ITGB5: variants seen among roughly 807,000 people sequenced by gnomAD.
The protein encoded by ITGB5 is integrin beta-5.
In ITGB5, 38 loss-of-function variants were observed where a neutral mutation model predicts 84.8. The ratio of observed to expected loss-of-function variants is 0.45; its 90% CI spans 0.35 to 0.59. ITGB5 has a LOEUF of 0.59. Ranked by LOEUF, ITGB5 falls within the 20% of genes least tolerant of loss-of-function variation. The probability of loss-of-function intolerance (pLI) is 0.01; values close to 1 mark genes in which losing one functional copy is unlikely to be tolerated. For synonymous variants in ITGB5, 393 were observed against 414.4 expected (o/e 0.95, Z 0.63); for missense variants, 905 against 1,034.5 (o/e 0.87, Z 1.72).
intron 6 of ITGB5, among the ~76,000 whole-genome samples, chr3:124,820,456 C>T (rs3772839): frequency 0.053 from 8,101 of 152,206 alleles, 502 homozygotes; most frequent in African/African-American, 0.15. Context: ...ATTTTGAGGA[C>T]TAATGATGGG....
chr3:124,812,279 T>A (rs1055238600), intron 8 of ITGB5, among the ~76,000 whole-genome samples: 12 of 152,196 alleles, frequency 7.9e-5, no homozygotes, highest in Admixed American at 5.2e-4. Context: ...CAAGGTGCAC[T>A]CCTTAGTTCT....
intron 3 of ITGB5, among the ~76,000 whole-genome samples, chr3:124,853,339 A>G: frequency 6.6e-6 from 1 of 152,208 alleles, no homozygotes; most frequent in East Asian, 1.9e-4. Context: ...CCAGGATTAA[A>G]TCCAGATCTA....
At chr3:124,845,640 T>C (rs762525892) in intron 4 of ITGB5, among the ~76,000 whole-genome samples, 1 of 152,174 alleles carries the variant, frequency 6.6e-6, no homozygotes, top group Non-Finnish European at 1.5e-5. Flanking sequence ...TAAGTAATGA[T>C]GTGTCATAAC....
At chr3:124,880,874 A>G (rs2107649640) in intron 1 of ITGB5, among the ~76,000 whole-genome samples, 1 of 152,162 alleles carries the variant, frequency 6.6e-6, no homozygotes, top group South Asian at 2.1e-4. Context: ...GGTTGCAGTG[A>G]GTCAAGATCA....
intron 1 of ITGB5, among the ~76,000 whole-genome samples, chr3:124,881,262 G>A (rs954046023): frequency 6.6e-6 from 1 of 152,138 alleles, no homozygotes; most frequent in African/African-American, 2.4e-5. Flanking sequence ...GGGATGATAG[G>A]TGTGAGCCAC....
chr3:124,870,513 G>A (rs1268096791), intron 2 of ITGB5, among the ~76,000 whole-genome samples: 1 of 152,148 alleles, frequency 6.6e-6, no homozygotes. Flanking sequence ...TGGATCACGA[G>A]GTCAGGAGTT....
chr3:124,847,581 AT>A (rs1010430759), intron 4 of ITGB5, among the ~76,000 whole-genome samples: 3 of 152,224 alleles, frequency 2.0e-5, no homozygotes, highest in Non-Finnish European at 2.9e-5. Context: ...TCTAGGCAGC[AT>A]GACCTTAGGA....
chr3:124,866,989 T>C (rs139004181), intron 2 of ITGB5, among the ~76,000 whole-genome samples: 9 of 152,344 alleles, frequency 5.9e-5, no homozygotes, highest in African/African-American at 2.2e-4. Flanking sequence ...ATCTATAGTT[T>C]ATGTGAGCTG....
At chr3:124,861,205 A>AT (rs979278091) in intron 2 of ITGB5, among the ~76,000 whole-genome samples, 4 of 151,902 alleles carry the variant, frequency 2.6e-5, no homozygotes, top group Non-Finnish European at 5.9e-5. Flanking sequence ...TTTAATAACG[A>AT]TTTTTTATTT....
intron 10 of ITGB5, among the ~76,000 whole-genome samples, chr3:124,785,834 T>C (rs1419370744): frequency 6.6e-6 from 1 of 152,308 alleles, no homozygotes; most frequent in South Asian, 2.1e-4. Context: ...AAATATTTCC[T>C]AAAATTTTGA....
At chr3:124,822,893 AGAG>A (rs1256089109) in intron 5 of ITGB5, among the ~76,000 whole-genome samples, 1 of 152,294 alleles carries the variant, frequency 6.6e-6, no homozygotes, top group East Asian at 1.9e-4. Context: ...GAAGCCAGGG[AGAG>A]GAGGAGGAGG....
intron 2 of ITGB5, among the ~76,000 whole-genome samples, chr3:124,864,835 C>T (rs1400639902): frequency 6.6e-6 from 1 of 152,194 alleles, no homozygotes; most frequent in Non-Finnish European, 1.5e-5. Flanking sequence ...AGACCTGACA[C>T]TCAGACCCTC....
chr3:124,768,470 C>T (rs1489487833), intron 12 of ITGB5, among the ~76,000 whole-genome samples: 1 of 152,216 alleles, frequency 6.6e-6, no homozygotes, highest in African/African-American at 2.4e-5. Context: ...CCATGGCTTT[C>T]TCTGTGTTGG....
chr3:124,840,255 C>G (rs940863543), intron 5 of ITGB5, among the ~76,000 whole-genome samples: 1 of 152,178 alleles, frequency 6.6e-6, no homozygotes, highest in African/African-American at 2.4e-5. Context: ...TGACCCTGCC[C>G]TCACCAAATG....
At chr3:124,834,506 G>A (rs2064901569) in intron 5 of ITGB5, among the ~76,000 whole-genome samples, 1 of 114,864 alleles carries the variant, frequency 8.7e-6, no homozygotes, top group African/African-American at 3.3e-5. Context: ...GGGAGGGAGA[G>A]GAGGGAAGGA....
chr3:124,766,153 G>C, intron 13 of ITGB5, 73 bp downstream of exon 13: 2 of 1,521,104 alleles, frequency 1.3e-6, no homozygotes, highest in Non-Finnish European at 1.8e-6. Flanking sequence ...AGTGGTCCCA[G>C]AGCAGAGAAT....
intron 13 of ITGB5, among the ~76,000 whole-genome samples, chr3:124,765,343 G>A (rs574030087): frequency 1.1e-4 from 16 of 152,310 alleles, no homozygotes; most frequent in African/African-American, 3.6e-4. Flanking sequence ...CAGTGGTGCT[G>A]GGAGCTGAGC....
At chr3:124,799,470 G>A (rs1181808478) in intron 9 of ITGB5, among the ~76,000 whole-genome samples, 1 of 152,210 alleles carries the variant, frequency 6.6e-6, no homozygotes, top group Non-Finnish European at 1.5e-5. Flanking sequence ...TGAGGTGGGA[G>A]GATGGCTTGA....
rs527913944 is a variant in ITGB5 at position 124,817,501 on chromosome 3, G to A, written c.1128+120C>T. 16 of 583,666 alleles carry A rather than the reference G, an allele frequency of 2.7e-5. No individual in the cohort carries two copies. The East Asian group carries it at 5.2e-4, about 19-fold the overall frequency. The allele number at this position is 583,666 out of a possible 1,614,324, so 36.2% of individuals were successfully genotyped here. A position where few individuals can be genotyped will look rare whatever the true frequency, so the allele number is the denominator to read the frequency against. Reference sequence around the variant, plus strand: ...GAAGATACCAAACTCAAGGGGATGGGGGAGCAGAGCCAAGAAGAGCAGCAC... The same window carrying A: ...GAAGATACCAAACTCAAGGGGATGGAGGAGCAGAGCCAAGAAGAGCAGCAC... On this transcript the variant is annotated intron_variant, in intron 8 of 14. Coordinates refer to ENST00000296181, the MANE Select transcript of ITGB5 (RefSeq NM_002213.5).
Sources: gnomAD v4.1 joint callset for allele counts (sites outside exome capture counted in the v4.1 genomes callset) on GRCh38, gnomAD v4.1.1 for gene constraint, MANE v1.5 for transcripts, NCBI Gene and HGNC (gene_info 2026-07-23, HGNC 2026-07-21) for gene names.